The following MAPK8 variants were observed in gnomAD, a reference collection of about 807,000 sequenced individuals.
MAPK8 encodes the protein JUN N-terminal kinase.
MAPK8 carries 13 observed loss-of-function variants against 52.9 expected under a neutral mutation model. The observed-to-expected ratio is 0.25, with a 90% CI of 0.16 to 0.39. The LOEUF is 0.39. Among genes scored for constraint, MAPK8 ranks in the 10% least tolerant of loss-of-function variants. The probability of loss-of-function intolerance (pLI) is 1.00; values close to 1 mark genes in which losing one functional copy is unlikely to be tolerated. For synonymous variants in MAPK8, 191 were observed against 169.8 expected, an observed-to-expected ratio of 1.12 and a Z score of -0.97; for missense variants, 300 against 519.2, an observed-to-expected ratio of 0.58 and a Z score of 4.10.
intron 1 of MAPK8, among the ~76,000 whole-genome samples, chr10:48,392,824 T>C (rs1169812906): frequency 1.3e-5 from 2 of 152,186 alleles, no homozygotes; most frequent in African/African-American, 4.8e-5. Context: ...TTTGGTCTTC[T>C]TTGTTAAACT....
In MAPK8 at chr10:48,436,765, TAG is replaced by T. The variant is rs972934724; in HGVS notation, c.*1739_*1740del. ...AGTAGCAAGTTTGTTTTCGATGGCTTAGAGTCATGATTTCCAGCTTCCCAGCC... is the reference window on the plus strand; with the variant it reads ...AGTAGCAAGTTTGTTTTCGATGGCTTAGTCATGATTTCCAGCTTCCCAGCC... On this transcript the variant is annotated 3_prime_UTR_variant, in exon 12 of 12. Transcript: ENST00000374189. The T allele has an allele frequency of 2.0e-5, 3 of 152,230 alleles. No homozygotes were observed. The highest frequency in any genetic ancestry group is 2.9e-5 in the Non-Finnish European group (2 of 68,040). 9.4% of individuals were successfully genotyped at this position (152,230 alleles called of 1,614,324 possible).
intron 1 of MAPK8, among the ~76,000 whole-genome samples, chr10:48,369,003 C>G (rs962121401): frequency 6.6e-6 from 1 of 152,084 alleles, no homozygotes; most frequent in African/African-American, 2.4e-5. Flanking sequence ...AGTTGTCTAC[C>G]CTTGGTTTAA....
At chr10:48,310,102 A>G (rs970209943) in intron 1 of MAPK8, among the ~76,000 whole-genome samples, 1 of 152,232 alleles carries the variant, frequency 6.6e-6, no homozygotes, top group African/African-American at 2.4e-5. Flanking sequence ...TCAGGTCAAT[A>G]GGTGGAGCTA....
At chr10:48,356,918 A>G (rs1337461276) in intron 1 of MAPK8, among the ~76,000 whole-genome samples, 2 of 145,174 alleles carry the variant, frequency 1.4e-5, no homozygotes, top group African/African-American at 5.0e-5. Flanking sequence ...AAAAAAAAAA[A>G]GTTTAAAATG....
chr10:48,380,524 G>A (rs553877287), intron 1 of MAPK8, among the ~76,000 whole-genome samples: 11 of 151,194 alleles, frequency 7.3e-5, no homozygotes, highest in Admixed American at 7.2e-4. Context: ...CTGAGGTCAG[G>A]GGTTCGAGAC....
In MAPK8 at chr10:48,390,665, G is replaced by A. The variant is rs145068823; in HGVS notation, c.-49-10947G>A. ...AGCCATTTTATGGACGGGGCGGAGC[G>A]GGGGCGGTCAGCCTGATATATAAAG... On this transcript the variant is annotated intron_variant, in intron 1 of 11. Transcript: ENST00000374189. 4.8e-3 allele frequency among the ~76,000 whole-genome samples: 726 copies of A among 152,302 alleles called. 4 individuals carry two copies. The highest frequency in any genetic ancestry group is 9.0e-3 in the African/African-American group (375 of 41,556).
At chr10:48,347,009 C>T (rs111312243) in intron 1 of MAPK8, among the ~76,000 whole-genome samples, 229 of 152,226 alleles carry the variant, frequency 1.5e-3, no homozygotes, top group Non-Finnish European at 2.3e-3. Context: ...GGGCCACTAC[C>T]GGTCTCCGCG....
chr10:48,395,360 A>G (rs1015956083), intron 1 of MAPK8, among the ~76,000 whole-genome samples: 2 of 152,054 alleles, frequency 1.3e-5, no homozygotes, highest in Non-Finnish European at 2.9e-5. Flanking sequence ...AGACACATAT[A>G]TTTATCTGAT....
At chr10:48,409,124 A>G (rs946919289) in intron 3 of MAPK8, among the ~76,000 whole-genome samples, 1 of 152,128 alleles carries the variant, frequency 6.6e-6, no homozygotes, top group African/African-American at 2.4e-5. Context: ...CTGTAACACT[A>G]GTGTTAGAAG....
chr10:48,422,724 C>G (rs547897087), intron 6 of MAPK8, among the ~76,000 whole-genome samples: 1 of 151,986 alleles, frequency 6.6e-6, no homozygotes, highest in East Asian at 1.9e-4. Context: ...AATTTTTTTT[C>G]TAAAATCTTA....
intron 1 of MAPK8, among the ~76,000 whole-genome samples, chr10:48,392,568 G>A (rs1467737099): frequency 6.6e-6 from 1 of 151,754 alleles, no homozygotes; most frequent in African/African-American, 2.4e-5. Flanking sequence ...CCATCCGTAT[G>A]GCCACACATG....
intron 1 of MAPK8, among the ~76,000 whole-genome samples, chr10:48,367,404 C>CATATATATATAT (rs1848151140): frequency 6.7e-6 from 1 of 149,934 alleles, no homozygotes; most frequent in South Asian, 2.1e-4. Flanking sequence ...TAAATAAATA[C>CATATATATATAT]ATATATATGT....
chr10:48,316,319 C>T (rs1399919110), intron 1 of MAPK8, among the ~76,000 whole-genome samples: 3 of 152,174 alleles, frequency 2.0e-5, no homozygotes, highest in Admixed American at 6.5e-5. Context: ...AGGTTCGTAG[C>T]CTAGGGTCAG....
chr10:48,332,087 C>T (rs1345076830), intron 1 of MAPK8, among the ~76,000 whole-genome samples: 1 of 152,168 alleles, frequency 6.6e-6, no homozygotes, highest in African/African-American at 2.4e-5. Context: ...ATATTTTCTA[C>T]CAGGTCAAAT....
chr10:48,318,269 A>G (rs1480332983), intron 1 of MAPK8, among the ~76,000 whole-genome samples: 1 of 152,214 alleles, frequency 6.6e-6, no homozygotes, highest in Non-Finnish European at 1.5e-5. Context: ...GGTATCAAGG[A>G]TAAGCTCCTG....
rs539162576 is a variant in MAPK8, at chr10:48,373,571, C to CAAAAAAAAAAAAAAAAAAAA, written c.-49-28033_-49-28014dup. 4.7e-4 allele frequency among the ~76,000 whole-genome samples: 8 copies of CAAAAAAAAAAAAAAAAAAAA among 16,844 alleles called. 2 individuals carry two copies. The highest frequency in any genetic ancestry group is 6.2e-4 in the Non-Finnish European group (5 of 8,122). 11.1% of individuals were successfully genotyped at this position (16,844 alleles called of 152,430 possible). On this transcript the variant is annotated intron_variant, in intron 1 of 11. Coordinates refer to ENST00000374189, the MANE Select transcript of MAPK8 (RefSeq NM_001323329.2). ...GAAGATTTACCAAGTAAATTGAAAG[C>CAAAAAAAAAAAAAAAAAAAA]AAAAAAAAAAAAAAAAAAAAAAAAA...
intron 1 of MAPK8, among the ~76,000 whole-genome samples, chr10:48,321,191 G>A (rs1323494012): frequency 7.3e-6 from 1 of 137,476 alleles, no homozygotes; most frequent in African/African-American, 2.8e-5. Flanking sequence ...TCAAACTCTT[G>A]TACACAAATG....
intron 5 of MAPK8, among the ~76,000 whole-genome samples, chr10:48,410,819 ATC>A (rs2042708180): frequency 6.6e-6 from 1 of 152,136 alleles, no homozygotes; most frequent in South Asian, 2.1e-4. Context: ...AATTCTAGCC[ATC>A]CTAATGGGTA....
intron 1 of MAPK8, among the ~76,000 whole-genome samples, chr10:48,392,742 A>G (rs1027179753): frequency 2.0e-5 from 3 of 152,072 alleles, no homozygotes; most frequent in Non-Finnish European, 2.9e-5. Flanking sequence ...GTGTTATACT[A>G]TGCTATATCA....
Sources: allele counts gnomAD v4.1 joint callset (sites outside exome capture counted in the v4.1 genomes callset), GRCh38; gene constraint gnomAD v4.1.1; transcripts MANE v1.5; gene names NCBI Gene and HGNC (gene_info 2026-07-23, HGNC 2026-07-21).